The following STRN3 variants were observed in gnomAD, a reference collection of about 807,000 sequenced individuals.
STRN3 encodes striatin 3.
STRN3 carries 29 observed loss-of-function variants against 95.6 expected under a neutral mutation model. The ratio of observed to expected loss-of-function variants is 0.30; its 90% CI spans 0.23 to 0.41. The LOEUF (loss-of-function observed/expected upper bound fraction) is 0.41. Ranked by LOEUF, STRN3 falls within the 10% of genes least tolerant of loss-of-function variation. STRN3 has a pLI of 1.00. For synonymous variants in STRN3, 331 were observed against 357.6 expected, an observed-to-expected ratio of 0.93 and a Z score of 0.84; for missense variants, 890 against 972.1, an observed-to-expected ratio of 0.92 and a Z score of 1.12.
At chr14:30,997,518 T>A (rs1167089108) in intron 1 of STRN3, among the ~76,000 whole-genome samples, 1 of 152,216 alleles carries the variant, frequency 6.6e-6, no homozygotes, top group Non-Finnish European at 1.5e-5. Flanking sequence ...TCTGTTGTTT[T>A]TCCCATGGAA....
chr14:30,896,495 T>A (rs1432400541), intron 16 of STRN3, among the ~76,000 whole-genome samples: 2 of 134,908 alleles, frequency 1.5e-5, no homozygotes, highest in Non-Finnish European at 3.0e-5. Context: ...CTGGGCAACA[T>A]AGTGAAATGC....
intron 7 of STRN3, chr14:30,932,023 T>C (rs888528269): frequency 2.0e-5 from 3 of 152,254 alleles, no homozygotes; most frequent in African/African-American, 4.8e-5. Context: ...TCCCAGCACT[T>C]TGGGAGGCCG....
intron 1 of STRN3, chr14:31,025,611 G>A (rs1339581648): frequency 1.0e-5 from 5 of 478,916 alleles, no homozygotes; most frequent in East Asian, 4.2e-5. Flanking sequence ...CCGGAGGCCC[G>A]GGAAGGCCGC....
chr14:30,957,334 T>C (rs1463561402), intron 1 of STRN3, among the ~76,000 whole-genome samples: 2 of 150,670 alleles, frequency 1.3e-5, no homozygotes, highest in Non-Finnish European at 1.5e-5. Flanking sequence ...GTGCCTGTAG[T>C]CCCAGCTGCT....
chr14:31,003,276 GAAAAGA>G (rs1435269536), intron 1 of STRN3, among the ~76,000 whole-genome samples: 4 of 139,956 alleles, frequency 2.9e-5, no homozygotes, highest in East Asian at 4.2e-4. Context: ...AAAAAAAAAA[GAAAAGA>G]AAAAGAAAGA....
Position 30,924,031 on chromosome 14 carries a change from A to G in STRN3, c.1100-4925T>C, listed in dbSNP as rs914114480. 9.9e-5 allele frequency among the ~76,000 whole-genome samples: 15 copies of G among 151,888 alleles called. No individual in the cohort carries two copies. The East Asian group carries it at 2.9e-3, about 29-fold the overall frequency. On this transcript the variant is annotated intron_variant, in intron 8 of 17. Coordinates refer to ENST00000357479, the MANE Select transcript of STRN3 (RefSeq NM_001083893.2). ...TCAAGCTCCTCCCAAATTACAGAAA[A>G]CATAGAAATTATTAAAAAGTGAAAG...
intron 1 of STRN3, among the ~76,000 whole-genome samples, chr14:30,992,214 C>T (rs1881990496): frequency 6.6e-6 from 1 of 151,748 alleles, no homozygotes; most frequent in Non-Finnish European, 1.5e-5. Flanking sequence ...AGTTCAAGAA[C>T]AGCCTGGCCA....
At position 31,006,203 on chromosome 14, in the gene STRN3, C is replaced by T. The variant is rs1882705956; in HGVS notation, c.282+19701G>A. Among the ~76,000 whole-genome samples the T allele has an allele frequency of 2.0e-5, 3 of 149,800 alleles. No individual in the cohort carries two copies. The South Asian group carries it at 6.4e-4, about 32-fold the overall frequency. ...ATAAATCATGGAAAGAAAAATTCAACAACAAAAACTCTACTATGCTCAAAA... is the reference window on the plus strand; with the variant it reads ...ATAAATCATGGAAAGAAAAATTCAATAACAAAAACTCTACTATGCTCAAAA... On this transcript the variant is annotated intron_variant, in intron 1 of 17. Transcript: ENST00000357479.
intron 1 of STRN3, among the ~76,000 whole-genome samples, chr14:31,009,038 CA>C (rs911703164): frequency 4.7e-5 from 7 of 148,554 alleles, no homozygotes; most frequent in Non-Finnish European, 1.0e-4. Flanking sequence ...GACCCTCTCT[CA>C]AAAAAAAGAA....
At chr14:30,950,679 C>T (rs1356854163) in intron 4 of STRN3, among the ~76,000 whole-genome samples, 184 bp downstream of exon 4, 1 of 152,180 alleles carries the variant, frequency 6.6e-6, no homozygotes, top group Non-Finnish European at 1.5e-5. Context: ...AAGAAGACAA[C>T]ATCACCCTGA....
At chr14:30,997,754 C>T (rs181528990) in intron 1 of STRN3, among the ~76,000 whole-genome samples, 29 of 152,254 alleles carry the variant, frequency 1.9e-4, no homozygotes, top group Admixed American at 6.5e-4. Flanking sequence ...AGTAGGAACC[C>T]GTGCATCCTT....
chr14:30,921,069 TATACACACACACACACAC>T (rs1407360504), intron 8 of STRN3, among the ~76,000 whole-genome samples: 2 of 119,850 alleles, frequency 1.7e-5, no homozygotes, highest in South Asian at 3.0e-4. Flanking sequence ...TACACATACA[TATACACACACACACACAC>T]ACACACACAC....
chr14:30,950,024 A>T (rs1879562228), intron 4 of STRN3, among the ~76,000 whole-genome samples: 1 of 152,076 alleles, frequency 6.6e-6, no homozygotes, highest in African/African-American at 2.4e-5. Flanking sequence ...CTGGTGAGGA[A>T]GTGGTAAACA....
At chr14:30,986,258 A>C (rs1291874292) in intron 1 of STRN3, among the ~76,000 whole-genome samples, 10 of 152,192 alleles carry the variant, frequency 6.6e-5, no homozygotes, top group Non-Finnish European at 1.5e-4. Context: ...AAAAAGAAAA[A>C]AACACTGGCC....
intron 5 of STRN3, among the ~76,000 whole-genome samples, chr14:30,939,640 A>T (rs544260162): frequency 6.6e-4 from 100 of 152,220 alleles, no homozygotes; most frequent in African/African-American, 2.3e-3. Context: ...AAAAAAAGCC[A>T]AATAGTTCTA....
rs1879345127 is a variant in STRN3, at chr14:30,946,059, C to CA, written c.716+1030dup. ...TAGCTTTCTGAATCCAAACACAATG[C>CA]AAAGCTTTGTTTCTTTCACGCTAGG... On this transcript the variant is annotated intron_variant, in intron 5 of 17. Transcript: ENST00000357479. 1.3e-5 allele frequency among the ~76,000 whole-genome samples: 2 copies of CA among 152,212 alleles called. 1 individual carries two copies. Among genetic ancestry groups the CA allele is most frequent in the Admixed American group, 1.3e-4 (2 of 15,298 alleles).
At chr14:31,018,854 G>T (rs996683586) in intron 1 of STRN3, 3 of 343,160 alleles carry the variant, frequency 8.7e-6, no homozygotes, top group African/African-American at 2.2e-5. Flanking sequence ...AGGGCATAGT[G>T]GCTCACACCT....
chr14:30,968,480 G>C (rs2139187181), intron 1 of STRN3, among the ~76,000 whole-genome samples: 1 of 151,344 alleles, frequency 6.6e-6, no homozygotes, highest in African/African-American at 2.4e-5. Flanking sequence ...AGGAGATCGA[G>C]ACCACCCTGG....
intron 8 of STRN3, 34 bp downstream of exon 8, chr14:30,929,167 T>C (rs1183815809): frequency 2.0e-6 from 3 of 1,525,958 alleles, no homozygotes; most frequent in Non-Finnish European, 1.8e-6. Context: ...ATTATTGGTA[T>C]ACAAAAATTA....
Sources: gnomAD v4.1 joint callset for allele counts (sites outside exome capture counted in the v4.1 genomes callset) on GRCh38, gnomAD v4.1.1 for gene constraint, MANE v1.5 for transcripts, NCBI Gene and HGNC (gene_info 2026-07-23, HGNC 2026-07-21) for gene names.